ALKBH4: variants seen among roughly 807,000 people sequenced by gnomAD.
The protein encoded by ALKBH4 is alpha-ketoglutarate-dependent dioxygenase alkB homolog 4.
A neutral mutation model predicts 12.1 loss-of-function variants in ALKBH4; 8 were observed. The ratio of observed to expected loss-of-function variants is 0.66; its 90% CI spans 0.39 to 1.19. The LOEUF is 1.19. ALKBH4 is among the 50% of genes most tolerant of loss of function. The pLI is 0.01. For missense variants in ALKBH4, 403 were observed against 430.4 expected (o/e 0.94, Z 0.56); for synonymous variants, 195 against 191.6 (o/e 1.02, Z -0.15).
At chr7:102,462,118 G>A (rs1797813045) in intron 1 of ALKBH4, among the ~76,000 whole-genome samples, 1 of 152,200 alleles carries the variant, frequency 6.6e-6, no homozygotes, top group South Asian at 2.1e-4. Flanking sequence ...TGAGCAGGCT[G>A]GACTTGTCCG....
At chr7:102,462,227 G>A (rs528831774) in intron 1 of ALKBH4, among the ~76,000 whole-genome samples, 18 of 152,330 alleles carry the variant, frequency 1.2e-4, no homozygotes, top group Middle Eastern at 3.4e-3. Context: ...TATGAAGGGT[G>A]GAGGCTGGAA....
rs996076721 is a variant in ALKBH4 at position 102,458,064 on chromosome 7, A to T, written c.322-83T>A. 23 of 1,382,516 alleles carry T rather than the reference A, an allele frequency of 1.7e-5. No homozygotes were observed. The South Asian group carries it at 3.3e-4, about 20-fold the overall frequency. The allele number at this position is 1,382,516 out of a possible 1,614,324, so 85.6% of individuals were successfully genotyped here. A position where few individuals can be genotyped will look rare whatever the true frequency, so the allele number is the denominator to read the frequency against. On this transcript the variant is annotated intron_variant, in intron 2 of 2. Coordinates refer to ENST00000292566, the MANE Select transcript of ALKBH4 (RefSeq NM_017621.4). ...CAGACTAGGTGGGAAGAATTCAGTC[A>T]TAGTGACCCAGGCAAGCAAAAGCCC...
intron 1 of ALKBH4, among the ~76,000 whole-genome samples, 155 bp downstream of exon 1, chr7:102,464,559 G>T (rs1356746805): frequency 6.6e-6 from 1 of 152,090 alleles, no homozygotes; most frequent in African/African-American, 2.4e-5. Flanking sequence ...TCCCAAGCCC[G>T]CTCCTTAAAG....
Position 102,457,552 on chromosome 7 carries a change from G to A in ALKBH4, c.751C>T (p.Gln251Ter). ...LLVLTGAARH[Q>*]WKHAIHRRHI... ...CTGCGGTGGATGGCATGCTTCCACT[G>A]GTGCCGTGCCGCCCCGGTGAGGACC... The change falls in exon 3 of 3, where the codon CAG (glutamine) becomes TAG (stop). Residue 251 changes from glutamine to a stop codon, truncating the protein, a stop_gained. Transcript: ENST00000292566. LOFTEE classifies it high-confidence loss of function. The surrounding 1 kb of genome is among the most constrained non-coding windows in gnomAD (Gnocchi z 5.9). 1 of 1,611,668 alleles carries A rather than the reference G, an allele frequency of 6.2e-7. No individual in the cohort carries two copies. The highest frequency in any genetic ancestry group is 8.5e-7 in the Non-Finnish European group (1 of 1,179,866).
In ALKBH4 at chr7:102,456,512, T is replaced by C. The variant is rs1332189491; in HGVS notation, c.*882A>G. ...ACCTGAGCCCCGCAAAGTACTCGGA[T>C]TACAGGTGTGAGTCACCGCGCCTGG... On this transcript the variant is annotated 3_prime_UTR_variant, in exon 3 of 3. Coordinates refer to ENST00000292566, the MANE Select transcript of ALKBH4 (RefSeq NM_017621.4). The C allele has an allele frequency of 6.6e-6, 1 of 152,232 alleles. No individual in the cohort carries two copies. The highest frequency in any genetic ancestry group is 1.9e-4 in the East Asian group (1 of 5,192). 9.4% of individuals were successfully genotyped at this position (152,232 alleles called of 1,614,324 possible).
chr7:102,462,869 T>C (rs1797826147), intron 1 of ALKBH4, among the ~76,000 whole-genome samples: 1 of 152,136 alleles, frequency 6.6e-6, no homozygotes, highest in South Asian at 2.1e-4. Flanking sequence ...ACAGGAATCA[T>C]GCAGTATTTG....
In ALKBH4 at chr7:102,464,839, C is replaced by G; in HGVS notation, c.-3G>C. 1 of 1,510,140 alleles carries G rather than the reference C, an allele frequency of 6.6e-7. No individual in the cohort carries two copies. Among genetic ancestry groups the G allele is most frequent in the South Asian group, 1.2e-5 (1 of 80,840 alleles). 93.5% of individuals were successfully genotyped at this position (1,510,140 alleles called of 1,614,324 possible). A position where few individuals can be genotyped will look rare whatever the true frequency, so the allele number is the denominator to read the frequency against. ...GTCTCGGCGGCAGCCGCCGCCATCG[C>G]GCCGTCCGCGTGGCCAGTGCGCAGG... On this transcript the variant is annotated 5_prime_UTR_variant, in exon 1 of 3. Coordinates refer to ENST00000292566, the MANE Select transcript of ALKBH4 (RefSeq NM_017621.4).
intron 1 of ALKBH4, among the ~76,000 whole-genome samples, chr7:102,460,408 C>T (rs1220471155): frequency 6.6e-6 from 1 of 151,984 alleles, no homozygotes; most frequent in East Asian, 1.9e-4. Flanking sequence ...CTCAGGAGAC[C>T]CTCTGATGGC....
intron 1 of ALKBH4, among the ~76,000 whole-genome samples, chr7:102,462,206 G>A (rs1797815024): frequency 1.3e-5 from 2 of 152,186 alleles, no homozygotes; most frequent in Non-Finnish European, 2.9e-5. Context: ...TCTGGAGGGG[G>A]GAGGGGCAGA....
At chr7:102,459,339 TCAC>T (rs777080400) in intron 2 of ALKBH4, 4 of 373,524 alleles carry the variant, frequency 1.1e-5, no homozygotes, top group Non-Finnish European at 1.9e-5. Context: ...TGGGGTGCCT[TCAC>T]CACCACCAAG....
rs79217015 is a variant in ALKBH4 at position 102,461,355 on chromosome 7, TTTTGTTTG to T, written c.124-1562_124-1555del. Reference sequence around the variant, plus strand: ...CCATCTTGAAAATAATAATAATACTTTTTGTTTGTTTGTTTGTTTGTTTGAGATGGAGT... The same window carrying T: ...CCATCTTGAAAATAATAATAATACTTTTTGTTTGTTTGTTTGAGATGGAGT... On this transcript the variant is annotated intron_variant, in intron 1 of 2. Transcript: ENST00000292566. 1.2e-3 allele frequency among the ~76,000 whole-genome samples: 175 copies of T among 150,222 alleles called. 2 individuals are homozygous for T. Among genetic ancestry groups the T allele is most frequent in the African/African-American group, 3.2e-3 (129 of 40,942 alleles).
intron 1 of ALKBH4, among the ~76,000 whole-genome samples, chr7:102,461,452 C>T (rs1797791913): frequency 6.6e-6 from 1 of 152,022 alleles, no homozygotes; most frequent in African/African-American, 2.4e-5. Context: ...CCTCTACCTC[C>T]TGGGTTCAAG....
At position 102,461,016 on chromosome 7, in the gene ALKBH4, T is replaced by C. The variant is rs1477486523; in HGVS notation, c.124-1215A>G. On this transcript the variant is annotated intron_variant, in intron 1 of 2. Coordinates refer to ENST00000292566, the MANE Select transcript of ALKBH4 (RefSeq NM_017621.4). ...CACCAACCCCGAGGCCTGGCGGTAC[T>C]CTAAGGGTTCCCCCATGCTAAAGAA... 3.9e-5 allele frequency among the ~76,000 whole-genome samples: 6 copies of C among 152,226 alleles called. No homozygotes were observed. The South Asian group carries it at 1.0e-3, about 26-fold the overall frequency.
intron 2 of ALKBH4, 192 bp downstream of exon 2, chr7:102,459,412 G>T: frequency 1.6e-6 from 1 of 607,596 alleles, no homozygotes; most frequent in African/African-American, 1.9e-5. Flanking sequence ...GGGTGCCCAG[G>T]TGCACCTCTG....
chr7:102,458,962 A>G (rs1379099525), intron 2 of ALKBH4, among the ~76,000 whole-genome samples: 2 of 152,016 alleles, frequency 1.3e-5, no homozygotes, highest in Admixed American at 6.6e-5. Context: ...CCTGGTCAAC[A>G]TGGTGAAACC....
chr7:102,461,663 A>C (rs559484619), intron 1 of ALKBH4, among the ~76,000 whole-genome samples: 1 of 152,322 alleles, frequency 6.6e-6, no homozygotes, highest in South Asian at 2.1e-4. Context: ...ATGCCCAGCC[A>C]ATAGTAAATT....
intron 2 of ALKBH4, among the ~76,000 whole-genome samples, chr7:102,458,564 C>T (rs1334013914): frequency 6.7e-6 from 1 of 148,416 alleles, no homozygotes; most frequent in African/African-American, 2.5e-5. Flanking sequence ...ATGAGACACC[C>T]TGTCTCAAAA....
chr7:102,458,106 TGAAG>T (rs2133250836), intron 2 of ALKBH4, 125 bp from the exon 3 acceptor site: 1 of 951,220 alleles, frequency 1.1e-6, no homozygotes, highest in South Asian at 1.7e-5. Flanking sequence ...TTCATGGAGG[TGAAG>T]CAGGAGGAGG....
intron 1 of ALKBH4, among the ~76,000 whole-genome samples, chr7:102,464,048 C>CCA (rs374019831): frequency 6.6e-6 from 1 of 151,474 alleles, no homozygotes; most frequent in African/African-American, 2.4e-5. Flanking sequence ...TCCCCCCCCC[C>CCA]ACAACCTCTC....
Sources: allele counts gnomAD v4.1 joint callset (sites outside exome capture counted in the v4.1 genomes callset), GRCh38; gene constraint gnomAD v4.1.1; non-coding constraint Gnocchi (gnomAD v3.1); transcripts MANE v1.5; gene names NCBI Gene and HGNC (gene_info 2026-07-23, HGNC 2026-07-21).